COBL: variants seen among roughly 807,000 people sequenced by gnomAD.
COBL encodes cordon-bleu WH2 repeat protein.
In COBL, 51 loss-of-function variants were observed where a neutral mutation model predicts 98.8. The ratio of observed to expected loss-of-function variants is 0.52; its 90% confidence interval spans 0.41 to 0.65. The LOEUF (loss-of-function observed/expected upper bound fraction) is 0.65, where lower values mean the gene tolerates loss of function less well. COBL is among the 30% of genes least tolerant of loss of function. The pLI, the probability that COBL is intolerant of heterozygous loss-of-function variation, is 0.00. For missense variants in COBL, 1,617 were observed against 1,617.5 expected (o/e 1.00, Z 0.01); for synonymous variants, 634 against 651.7 (o/e 0.97, Z 0.41).
chr7:51,168,741 T>C (rs1340188070), intron 5 of COBL, among the ~76,000 whole-genome samples: 1 of 152,158 alleles, frequency 6.6e-6, no homozygotes, highest in African/African-American at 2.4e-5. Context: ...AAAGCTAGCA[T>C]ATGATCCAGC....
chr7:51,287,775 A>G (rs2129183478), intron 1 of COBL, among the ~76,000 whole-genome samples: 1 of 152,214 alleles, frequency 6.6e-6, no homozygotes, highest in Non-Finnish European at 1.5e-5. Context: ...ACAGTGGTGG[A>G]CCCATATGAT....
chr7:51,307,661 C>A (rs1802616387), intron 1 of COBL, among the ~76,000 whole-genome samples: 2 of 152,220 alleles, frequency 1.3e-5, no homozygotes, highest in African/African-American at 4.8e-5. Flanking sequence ...ACATATTTTT[C>A]AGTTTAGTCT....
intron 4 of COBL, chr7:51,187,955 C>A: frequency 8.1e-7 from 1 of 1,232,354 alleles, no homozygotes; most frequent in Non-Finnish European, 1.0e-6. Context: ...TTTGCTCAGA[C>A]GAACTGGAAA....
In COBL at chr7:51,027,889, C is replaced by G; in HGVS notation, c.3207G>C (p.Lys1069Asn). 1 of 1,614,202 alleles carries G rather than the reference C, an allele frequency of 6.2e-7. No homozygotes were observed. The highest frequency in any genetic ancestry group is 8.5e-7 in the Non-Finnish European group (1 of 1,180,046). Residue 1069 changes from lysine to asparagine, a missense_variant, in exon 10 of 13, where the codon AAG (lysine) becomes AAC (asparagine). Physicochemically the swap from Lys to Asn is moderately conservative, Grantham distance 94. This residue lies in a region of COBL where 1,304 missense variants were observed against 1,282.0 expected (regional missense o/e 1.02). Transcript: ENST00000265136. ...TTCCATCTGTAGAGAACACACTGGG[C>G]TTTTCCTCTCTTTCTAGGAGAATGT... ...ESHILLEREE[K>N]PSVFSTDGNE...
At chr7:51,277,115 A>G (rs1011583108) in intron 1 of COBL, among the ~76,000 whole-genome samples, 1 of 152,166 alleles carries the variant, frequency 6.6e-6, no homozygotes, top group Non-Finnish European at 1.5e-5. Flanking sequence ...TCCTTCCCAG[A>G]GCCAGGCCAG....
chr7:51,102,438 C>T (rs142342633), intron 6 of COBL, among the ~76,000 whole-genome samples: 31 of 152,314 alleles, frequency 2.0e-4, no homozygotes, highest in Admixed American at 1.2e-3. Context: ...TAAGAACTCT[C>T]ACCACCAGAC....
At chr7:51,243,034 C>A (rs907011844) in intron 1 of COBL, among the ~76,000 whole-genome samples, 2 of 152,184 alleles carry the variant, frequency 1.3e-5, no homozygotes, top group Admixed American at 6.5e-5. Context: ...AGAGCTGGGA[C>A]CAGACCAATT....
intron 1 of COBL, among the ~76,000 whole-genome samples, chr7:51,307,067 G>T (rs1475720923): frequency 6.6e-6 from 1 of 152,200 alleles, no homozygotes; most frequent in South Asian, 2.1e-4. Context: ...AGGACAGGCC[G>T]GGTGCAGTGG....
chr7:51,127,564 G>A (rs1189787281), intron 6 of COBL, among the ~76,000 whole-genome samples: 9 of 152,332 alleles, frequency 5.9e-5, no homozygotes, highest in Non-Finnish European at 1.2e-4. Context: ...TGGGAACAGA[G>A]TGTACGGTGG....
At position 51,016,577 on chromosome 7, in the gene COBL, C is replaced by T; in HGVS notation, c.*974G>A. On this transcript the variant is annotated 3_prime_UTR_variant, in exon 13 of 13. Transcript: ENST00000265136. ...AGACCACGATATCATACAAAGGGAGCCAATGAGCTGTTGGACAAACGCGTC... is the reference window on the plus strand; with the variant it reads ...AGACCACGATATCATACAAAGGGAGTCAATGAGCTGTTGGACAAACGCGTC... 1 of 193,936 alleles carries T rather than the reference C, an allele frequency of 5.2e-6. No individual in the cohort carries two copies. 12.0% of individuals were successfully genotyped at this position (193,936 alleles called of 1,614,324 possible).
intron 4 of COBL, among the ~76,000 whole-genome samples, chr7:51,187,188 G>T (rs963367815): frequency 3.2e-4 from 49 of 152,082 alleles, no homozygotes; most frequent in African/African-American, 9.6e-4. Context: ...CTTGTCTAGA[G>T]GAGGAGACTC....
intron 5 of COBL, among the ~76,000 whole-genome samples, chr7:51,154,120 C>T (rs2129026489): frequency 6.6e-6 from 1 of 152,340 alleles, no homozygotes; most frequent in East Asian, 1.9e-4. Context: ...ATCCAAGCTT[C>T]TGAATTCTGG....
intron 6 of COBL, among the ~76,000 whole-genome samples, chr7:51,114,043 C>T (rs1797063020): frequency 6.6e-6 from 1 of 152,138 alleles, no homozygotes; most frequent in Admixed American, 6.5e-5. Flanking sequence ...AAAATGTGGC[C>T]AACACTCTGA....
intron 2 of COBL, among the ~76,000 whole-genome samples, chr7:51,213,437 C>T (rs946506825): frequency 6.6e-6 from 1 of 152,146 alleles, no homozygotes; most frequent in African/African-American, 2.4e-5. Flanking sequence ...TGAATCATCC[C>T]GAAGCCATCC....
At chr7:51,111,812 C>T (rs1796855868) in intron 6 of COBL, among the ~76,000 whole-genome samples, 1 of 152,178 alleles carries the variant, frequency 6.6e-6, no homozygotes, top group Admixed American at 6.5e-5. Flanking sequence ...ATGTGATGGG[C>T]CCCAGCAAGT....
intron 1 of COBL, among the ~76,000 whole-genome samples, chr7:51,310,295 G>T (rs1190331737): frequency 6.6e-6 from 1 of 152,200 alleles, no homozygotes; most frequent in East Asian, 1.9e-4. Flanking sequence ...CCATCAGGAT[G>T]GGCCTGCAGG....
rs1367424942 is a variant in COBL at position 51,065,840 on chromosome 7, C to T, written c.1096+19326G>A. ...ATGTTTAAGTTAAAATGAAGCCATT[C>T]GGGTGGAGGCCTCATCCAACAGGAC... On this transcript the variant is annotated intron_variant, in intron 7 of 12. Transcript: ENST00000265136. Among the ~76,000 whole-genome samples, 4 of 152,162 alleles carry T rather than the reference C, an allele frequency of 2.6e-5. No homozygotes were observed. The South Asian group carries it at 6.2e-4, about 24-fold the overall frequency.
chr7:51,233,421 T>C (rs964373168), intron 1 of COBL, among the ~76,000 whole-genome samples: 1 of 127,016 alleles, frequency 7.9e-6, no homozygotes, highest in East Asian at 2.0e-4. Flanking sequence ...TTTCCTTCAG[T>C]GGGGGGAAAA....
intron 6 of COBL, among the ~76,000 whole-genome samples, chr7:51,086,377 A>G: frequency 6.6e-6 from 1 of 151,214 alleles, no homozygotes; most frequent in Admixed American, 6.6e-5. Flanking sequence ...AAAAAAAAAA[A>G]AAAAAAAGAA....
Sources: allele counts gnomAD v4.1 joint callset (sites outside exome capture counted in the v4.1 genomes callset), GRCh38; gene constraint gnomAD v4.1.1; regional missense constraint gnomAD v4.1.1; transcripts MANE v1.5; gene names NCBI Gene and HGNC (gene_info 2026-07-23, HGNC 2026-07-21).